NAALAD2: variants seen among roughly 807,000 people sequenced by gnomAD.
The protein encoded by NAALAD2 is N-acetylated-alpha-linked acidic dipeptidase 2.
NAALAD2 carries 89 observed loss-of-function variants against 95.6 expected under a neutral mutation model. That is an observed-to-expected ratio of 0.93 (90% CI 0.78 to 1.11). The LOEUF (loss-of-function observed/expected upper bound fraction) is 1.11, where lower values mean the gene tolerates loss of function less well. Among genes scored for constraint, NAALAD2 ranks in the 50% least tolerant of loss-of-function variants. NAALAD2 has a pLI of 0.00. For missense variants in NAALAD2, 894 were observed against 872.4 expected, an observed-to-expected ratio of 1.02 and a Z score of -0.31; for synonymous variants, 264 against 294.4, an observed-to-expected ratio of 0.90 and a Z score of 1.06.
intron 5 of NAALAD2, 24 bp downstream of exon 5, chr11:90,150,631 C>A: frequency 1.3e-6 from 2 of 1,558,544 alleles, no homozygotes; most frequent in Non-Finnish European, 1.8e-6. Context: ...TGTTTTTCTA[C>A]AGAGAATGAG....
rs767763281 is a variant in NAALAD2 at position 90,191,618 on chromosome 11, CTA to C, written c.2096_2097del (p.Tyr699Ter). 1.2e-6 allele frequency: 2 copies of C among 1,605,738 alleles called. No homozygotes were observed. Among genetic ancestry groups the C allele is most frequent in the South Asian group, 1.1e-5 (1 of 88,916 alleles). On this transcript the variant is annotated frameshift_variant, in exon 19 of 19. Coordinates refer to ENST00000534061, the MANE Select transcript of NAALAD2 (RefSeq NM_005467.4). LOFTEE classifies it high-confidence loss of function. ...KYAGESFPGIYDAIFDIENKA... is the reference protein window; with the variant it reads ...KYAGESFPGIXDAIFDIENKA... ...ATGCTGGAGAATCATTTCCTGGAATCTATGATGCTATCTTTGATATTGAAAAT... is the reference window on the plus strand; with the variant it reads ...ATGCTGGAGAATCATTTCCTGGAATCTGATGCTATCTTTGATATTGAAAAT...
At chr11:90,187,174 A>C (rs1410842405) in intron 18 of NAALAD2, among the ~76,000 whole-genome samples, 2 of 151,390 alleles carry the variant, frequency 1.3e-5, no homozygotes, top group African/African-American at 4.9e-5. Context: ...AGGAAACAAC[A>C]GGTGCTGGAG....
chr11:90,167,827 T>C (rs10830429), intron 11 of NAALAD2, among the ~76,000 whole-genome samples: 2 of 151,746 alleles, frequency 1.3e-5, no homozygotes, highest in Admixed American at 6.6e-5. Context: ...TAAACGCACC[T>C]ATCAGCACCC....
chr11:90,137,174 CAG>C (rs35029547), intron 2 of NAALAD2, among the ~76,000 whole-genome samples: 16,565 of 151,832 alleles, frequency 0.11, 1,304 homozygotes, highest in Admixed American at 0.26. Flanking sequence ...CTCATGGAGA[CAG>C]AGAATAGAAT....
At chr11:90,137,662 G>A (rs945660093) in intron 2 of NAALAD2, among the ~76,000 whole-genome samples, 1 of 152,100 alleles carries the variant, frequency 6.6e-6, no homozygotes, top group African/African-American at 2.4e-5. Flanking sequence ...GGAGTACAGT[G>A]GTGCAATCTC....
At chr11:90,149,734 G>T (rs536760799) in intron 4 of NAALAD2, among the ~76,000 whole-genome samples, 1 of 151,930 alleles carries the variant, frequency 6.6e-6, no homozygotes, top group Non-Finnish European at 1.5e-5. Flanking sequence ...TACCGCTTCC[G>T]CCCAGCAGTA....
At chr11:90,137,081 T>TTA (rs918445326) in intron 2 of NAALAD2, among the ~76,000 whole-genome samples, 6 of 152,100 alleles carry the variant, frequency 3.9e-5, no homozygotes, top group African/African-American at 1.4e-4. Context: ...CTAAATGTCA[T>TTA]TATATTAAGT....
upstream of NAALAD2, chr11:90,134,575 CT>C: frequency 1.7e-6 from 1 of 591,626 alleles, no homozygotes; most frequent in Non-Finnish European, 3.0e-6. Flanking sequence ...GCAGGGCTTC[CT>C]TTCCCCCATC....
intron 11 of NAALAD2, among the ~76,000 whole-genome samples, chr11:90,167,673 C>T (rs1002669733): frequency 2.0e-5 from 3 of 152,164 alleles, no homozygotes; most frequent in African/African-American, 7.2e-5. Flanking sequence ...AATCAGCACT[C>T]TGTATCTAGC....
chr11:90,157,208 C>T (rs183650924), intron 6 of NAALAD2, among the ~76,000 whole-genome samples: 1 of 152,056 alleles, frequency 6.6e-6, no homozygotes, highest in African/African-American at 2.4e-5. Context: ...AAGCTACTTA[C>T]ATAATAAAAA....
At chr11:90,168,161 A>G (rs1952530905) in intron 11 of NAALAD2, among the ~76,000 whole-genome samples, 1 of 152,138 alleles carries the variant, frequency 6.6e-6, no homozygotes, top group African/African-American at 2.4e-5. Context: ...GGCCGCCTTA[A>G]GAGTAACACT....
At chr11:90,167,195 G>A (rs1049237405) in intron 11 of NAALAD2, among the ~76,000 whole-genome samples, 8 of 152,214 alleles carry the variant, frequency 5.3e-5, no homozygotes, top group African/African-American at 1.9e-4. Flanking sequence ...GTGGAGGGAA[G>A]GAGCGGGCGG....
intron 11 of NAALAD2, chr11:90,164,045 T>C (rs976863204): frequency 4.2e-6 from 1 of 239,324 alleles, no homozygotes; most frequent in Non-Finnish European, 7.9e-6. Context: ...AAGATGGCCA[T>C]ATATTGACTA....
In NAALAD2 at chr11:90,191,443, CT is replaced by C. The variant is rs1857322518; in HGVS notation, c.2034-113del. ...ATAAGTATCTCAGATCAACTGTCTT[CT>C]TATTATAGGAACAAAAGTGAGTATC... On this transcript the variant is annotated intron_variant, in intron 18 of 18. Transcript: ENST00000534061. The C allele has an allele frequency of 2.5e-5, 16 of 637,190 alleles. No homozygotes were observed. The South Asian group carries it at 6.4e-4, about 25-fold the overall frequency. The allele number at this position is 637,190 out of a possible 1,614,324, so 39.5% of individuals were successfully genotyped here.
At chr11:90,172,047 C>T (rs543678782) in intron 13 of NAALAD2, among the ~76,000 whole-genome samples, 15 of 152,086 alleles carry the variant, frequency 9.9e-5, no homozygotes, top group East Asian at 3.9e-4. Flanking sequence ...GCCAACGGGA[C>T]GTGATTTCTG....
At chr11:90,169,976 C>A (rs778841503) in intron 12 of NAALAD2, 93 bp from the exon 13 acceptor site, 8 of 824,328 alleles carry the variant, frequency 9.7e-6, no homozygotes, top group Non-Finnish European at 1.7e-5. Flanking sequence ...ATCATTATAT[C>A]TTGTTTAAAA....
At chr11:90,133,951 T>G (rs1297453847), upstream of NAALAD2, among the ~76,000 whole-genome samples, 1 of 152,130 alleles carries the variant, frequency 6.6e-6, no homozygotes, top group Non-Finnish European at 1.5e-5. Context: ...AGAGAGGAGC[T>G]GGAAGAGAGG....
At chr11:90,185,034 TAGTA>T (rs1857093056) in intron 18 of NAALAD2, among the ~76,000 whole-genome samples, 1 of 152,084 alleles carries the variant, frequency 6.6e-6, no homozygotes, top group South Asian at 2.1e-4. Flanking sequence ...CATATGCAAA[TAGTA>T]AGCCATTTTA....
intron 15 of NAALAD2, among the ~76,000 whole-genome samples, chr11:90,177,511 T>TGTTTTC (rs1188233647): frequency 3.3e-5 from 5 of 150,862 alleles, no homozygotes; most frequent in African/African-American, 1.2e-4. Context: ...TTGGCTATAG[T>TGTTTTC]GTTTTCGTTA....
Sources: allele counts gnomAD v4.1 joint callset (sites outside exome capture counted in the v4.1 genomes callset), GRCh38; gene constraint gnomAD v4.1.1; transcripts MANE v1.5; gene names NCBI Gene and HGNC (gene_info 2026-07-23, HGNC 2026-07-21).